CTNNA2: variants seen among roughly 807,000 people sequenced by gnomAD.
CTNNA2 encodes catenin alpha-2.
Under a neutral mutation model 101.0 loss-of-function variants are expected in CTNNA2, and 42 were observed. That is an observed-to-expected ratio of 0.42 (90% confidence interval 0.32 to 0.54). CTNNA2 has a LOEUF of 0.54. Ranked by LOEUF, CTNNA2 falls within the 20% of genes least tolerant of loss-of-function variation. CTNNA2 has a pLI of 0.14. For missense variants in CTNNA2, 871 were observed against 1,223.1 expected, an observed-to-expected ratio of 0.71 and a Z score of 4.29; for synonymous variants, 450 against 456.4, an observed-to-expected ratio of 0.99 and a Z score of 0.18.
At chr2:80,310,475 A>G (rs1573676349) in intron 7 of CTNNA2, among the ~76,000 whole-genome samples, 5 of 152,168 alleles carry the variant, frequency 3.3e-5, no homozygotes, top group Non-Finnish European at 7.3e-5. Context: ...CAAGGCAGGC[A>G]GAGTTGCATG....
chr2:79,259,077 A>C (rs187518786), intron 2 of CTNNA2, among the ~76,000 whole-genome samples: 8 of 152,334 alleles, frequency 5.3e-5, no homozygotes, highest in African/African-American at 7.2e-5. Flanking sequence ...TCCTAAGTTT[A>C]AGAACTGGGG....
At chr2:79,597,465 CAAAAA>C (rs35049509) in intron 1 of CTNNA2, among the ~76,000 whole-genome samples, 6 of 138,728 alleles carry the variant, frequency 4.3e-5, no homozygotes, top group Non-Finnish European at 6.2e-5. Context: ...GAGCGGGTCT[CAAAAA>C]AAAAAAAAAA....
chr2:80,598,259 A>C (rs1334141154), intron 15 of CTNNA2, among the ~76,000 whole-genome samples: 4 of 152,126 alleles, frequency 2.6e-5, no homozygotes, highest in Non-Finnish European at 4.4e-5. Context: ...CAATGAAAAC[A>C]CATGGACACA....
At chr2:79,341,735 C>A (rs1232423064) in intron 3 of CTNNA2, among the ~76,000 whole-genome samples, 1 of 152,186 alleles carries the variant, frequency 6.6e-6, no homozygotes, top group African/African-American at 2.4e-5. Context: ...TTGTTCTCTG[C>A]ACTCAGGGTT....
chr2:79,631,628 A>G (rs1305163442), intron 1 of CTNNA2, among the ~76,000 whole-genome samples: 1 of 152,234 alleles, frequency 6.6e-6, no homozygotes, highest in Admixed American at 6.5e-5. Flanking sequence ...CTCTCAGTAT[A>G]CAAAAAAGGA....
chr2:79,218,562 C>G (rs1020338869), intron 2 of CTNNA2, among the ~76,000 whole-genome samples: 1 of 152,040 alleles, frequency 6.6e-6, no homozygotes, highest in Non-Finnish European at 1.5e-5. Context: ...AAGAGACTCT[C>G]ATTTAGGACA....
intron 7 of CTNNA2, among the ~76,000 whole-genome samples, chr2:79,967,114 G>A (rs1008085281): frequency 1.1e-4 from 5 of 45,052 alleles, no homozygotes; most frequent in African/African-American, 2.2e-4. Flanking sequence ...ACACGCGCAC[G>A]CACGTGTGTG....
intron 7 of CTNNA2, among the ~76,000 whole-genome samples, chr2:80,142,753 A>T (rs1703091414): frequency 6.6e-6 from 1 of 152,098 alleles, no homozygotes; most frequent in Non-Finnish European, 1.5e-5. Context: ...GTCTCTAGTG[A>T]TTAAGTGGAA....
At chr2:80,539,815 A>G (rs970059577) in intron 9 of CTNNA2, among the ~76,000 whole-genome samples, 1 of 152,190 alleles carries the variant, frequency 6.6e-6, no homozygotes, top group African/African-American at 2.4e-5. Flanking sequence ...GACCTATTCC[A>G]CTTTCAGAAA....
intron 1 of CTNNA2, chr2:79,195,884 T>G (rs1439619915): frequency 4.0e-6 from 2 of 500,910 alleles, no homozygotes; most frequent in South Asian, 2.9e-5. Flanking sequence ...AATAAGAAAT[T>G]AGGGGGCAGA....
At chr2:79,874,763 G>A (rs966344599) in intron 6 of CTNNA2, among the ~76,000 whole-genome samples, 27 of 152,134 alleles carry the variant, frequency 1.8e-4, no homozygotes, top group African/African-American at 6.5e-4. Context: ...AGCCGAGATC[G>A]TGCCATTGCA....
chr2:79,447,141 T>C (rs1678841963), intron 4 of CTNNA2, among the ~76,000 whole-genome samples: 1 of 152,032 alleles, frequency 6.6e-6, no homozygotes, highest in Non-Finnish European at 1.5e-5. Flanking sequence ...TGTGTGTCCT[T>C]GTACCATCAT....
intron 3 of CTNNA2, among the ~76,000 whole-genome samples, chr2:79,855,896 C>T (rs371562138): frequency 2.0e-5 from 3 of 152,184 alleles, no homozygotes; most frequent in Non-Finnish European, 2.9e-5. Context: ...GTTCTTTCTA[C>T]TTGCACTGTA....
chr2:79,936,252 T>C (rs1453382361), intron 7 of CTNNA2, among the ~76,000 whole-genome samples: 18 of 152,226 alleles, frequency 1.2e-4, no homozygotes, highest in Admixed American at 7.8e-4. Context: ...GCTGGGATTT[T>C]TTTTTTTTCT....
intron 3 of CTNNA2, among the ~76,000 whole-genome samples, chr2:79,811,965 T>C (rs1677073955): frequency 6.6e-6 from 1 of 152,180 alleles, no homozygotes. Context: ...TACTTAAATA[T>C]TTTGGCTGCT....
intron 7 of CTNNA2, among the ~76,000 whole-genome samples, chr2:79,947,539 G>T (rs1450327312): frequency 6.6e-6 from 1 of 152,120 alleles, no homozygotes; most frequent in Non-Finnish European, 1.5e-5. Flanking sequence ...AAATACCTAG[G>T]ATTTGCATTG....
chr2:79,247,984 T>A (rs1464846928), intron 2 of CTNNA2, among the ~76,000 whole-genome samples: 1 of 152,212 alleles, frequency 6.6e-6, no homozygotes, highest in East Asian at 1.9e-4. Context: ...TCCAGAACTA[T>A]GAAAAAATAT....
intron 7 of CTNNA2, among the ~76,000 whole-genome samples, chr2:80,012,829 G>A (rs1693880994): frequency 6.6e-6 from 1 of 152,088 alleles, no homozygotes; most frequent in Non-Finnish European, 1.5e-5. Flanking sequence ...TCTTGGCCTT[G>A]TAAGATCAGA....
chr2:80,154,927 ATATT>A (rs1266933677), intron 7 of CTNNA2, among the ~76,000 whole-genome samples: 1 of 152,148 alleles, frequency 6.6e-6, no homozygotes, highest in African/African-American at 2.4e-5. Context: ...GAGATGTAAA[ATATT>A]TATTTACTCA....
Sources: allele counts gnomAD v4.1 joint callset (sites outside exome capture counted in the v4.1 genomes callset), GRCh38; gene constraint gnomAD v4.1.1; transcripts MANE v1.5; gene names NCBI Gene and HGNC (gene_info 2026-07-23, HGNC 2026-07-21).